The following SYT16 variants were observed in gnomAD, a reference collection of about 807,000 sequenced individuals.
SYT16 encodes synaptotagmin 16.
SYT16 carries 42 observed loss-of-function variants against 61.4 expected under a neutral mutation model. The observed-to-expected ratio is 0.68, with a 90% confidence interval of 0.53 to 0.89. SYT16 has a LOEUF of 0.89. Ranked by LOEUF, SYT16 falls within the 40% of genes least tolerant of loss-of-function variation. The probability of loss-of-function intolerance (pLI) is 0.00; values close to 1 mark genes in which losing one functional copy is unlikely to be tolerated. For synonymous variants in SYT16, 314 were observed against 302.3 expected (o/e 1.04, Z -0.40); for missense variants, 804 against 807.3 (o/e 1.00, Z 0.05).
chr14:61,980,960 T>G (rs79848606), intron 2 of SYT16, among the ~76,000 whole-genome samples: 4 of 149,068 alleles, frequency 2.7e-5, no homozygotes, highest in Admixed American at 6.7e-5. Flanking sequence ...GTGTGTGTGT[T>G]TGTGTGTGTG....
intron 3 of SYT16, among the ~76,000 whole-genome samples, chr14:61,998,572 C>T (rs965294742): frequency 3.9e-5 from 6 of 151,900 alleles, no homozygotes; most frequent in Non-Finnish European, 5.9e-5. Flanking sequence ...AATGAATGCA[C>T]CAGTTTGTTG....
At chr14:61,822,235 T>C (rs1191674073) in intron 1 of SYT16, among the ~76,000 whole-genome samples, 3 of 151,886 alleles carry the variant, frequency 2.0e-5, no homozygotes, top group Non-Finnish European at 4.4e-5. Flanking sequence ...GAACCTGGAG[T>C]CTCACGTCCA....
At chr14:61,939,262 T>G (rs1472634609) in intron 1 of SYT16, among the ~76,000 whole-genome samples, 3 of 152,086 alleles carry the variant, frequency 2.0e-5, no homozygotes, top group Non-Finnish European at 4.4e-5. Flanking sequence ...GGATGCATAA[T>G]CCCCCCAAAG....
chr14:61,827,634 T>C (rs1439942780), intron 1 of SYT16, among the ~76,000 whole-genome samples: 2 of 152,184 alleles, frequency 1.3e-5, no homozygotes, highest in Non-Finnish European at 2.9e-5. Flanking sequence ...CTATTGGTCA[T>C]GATTTTTTTT....
At chr14:61,974,598 C>G (rs1377156179) in intron 2 of SYT16, among the ~76,000 whole-genome samples, 2 of 152,166 alleles carry the variant, frequency 1.3e-5, no homozygotes, top group Non-Finnish European at 2.9e-5. Context: ...GTTAAATAAA[C>G]TCACACCAGT....
At chr14:61,822,878 C>A (rs548017812) in intron 1 of SYT16, among the ~76,000 whole-genome samples, 2 of 152,308 alleles carry the variant, frequency 1.3e-5, no homozygotes, top group South Asian at 2.1e-4. Context: ...TACCAAAGAA[C>A]AACTGTTTTT....
At chr14:61,820,729 G>A (rs753669938) in intron 1 of SYT16, among the ~76,000 whole-genome samples, 8 of 151,948 alleles carry the variant, frequency 5.3e-5, no homozygotes, top group South Asian at 2.1e-4. Flanking sequence ...TGATCAGCCC[G>A]CCTCAGTTTT....
chr14:61,828,385 A>T (rs72716750), intron 1 of SYT16, among the ~76,000 whole-genome samples: 19,329 of 152,170 alleles, frequency 0.13, 1,273 homozygotes, highest in African/African-American at 0.15. Flanking sequence ...ACTCCTGATG[A>T]TCCAGATTTC....
chr14:61,980,942 T>TTG lies in SYT16; in HGVS notation c.-145+10647_-145+10648dup, dbSNP rs776113739. 7.4e-3 allele frequency among the ~76,000 whole-genome samples: 902 copies of TTG among 122,338 alleles called. 3 individuals carry two copies. The highest frequency in any genetic ancestry group is 0.024 in the Middle Eastern group (6 of 246). 80.3% of individuals were successfully genotyped at this position (122,338 alleles called of 152,430 possible). Reference sequence around the variant, plus strand: ...TTTTTCCAGAGAAACAGTACCAACATTGTGTGTGTGTGTGTGTTTGTGTGT... The same window carrying TTG: ...TTTTTCCAGAGAAACAGTACCAACATTGTGTGTGTGTGTGTGTGTTTGTGTGT... On this transcript the variant is annotated intron_variant, in intron 2 of 7. Coordinates refer to ENST00000683842, the MANE Select transcript of SYT16 (RefSeq NM_001367656.1).
intron 2 of SYT16, among the ~76,000 whole-genome samples, chr14:61,981,882 G>A (rs2052094218): frequency 6.6e-6 from 1 of 152,132 alleles, no homozygotes; most frequent in South Asian, 2.1e-4. Flanking sequence ...GGGCATTTGA[G>A]CTTCCTCTGT....
intron 1 of SYT16, among the ~76,000 whole-genome samples, chr14:61,951,593 T>G (rs2050672281): frequency 6.6e-6 from 1 of 152,178 alleles, no homozygotes; most frequent in South Asian, 2.1e-4. Flanking sequence ...CAAGATTTTT[T>G]TTATCTGTCT....
At chr14:62,083,412 A>G (rs1238076513) in intron 6 of SYT16, among the ~76,000 whole-genome samples, 1 of 152,086 alleles carries the variant, frequency 6.6e-6, no homozygotes, top group Non-Finnish European at 1.5e-5. Flanking sequence ...TTGAGGGACA[A>G]TCAGTGTCCT....
intron 1 of SYT16, among the ~76,000 whole-genome samples, chr14:61,890,336 G>C (rs1394621194): frequency 6.6e-6 from 1 of 152,084 alleles, no homozygotes; most frequent in Non-Finnish European, 1.5e-5. Flanking sequence ...AAGGCGCTTT[G>C]GGTTTCCCTT....
At chr14:62,002,578 T>A (rs1334993809) in intron 3 of SYT16, among the ~76,000 whole-genome samples, 4 of 152,118 alleles carry the variant, frequency 2.6e-5, no homozygotes, top group African/African-American at 9.7e-5. Flanking sequence ...TGTTCCTATG[T>A]CTTGAGGTTA....
In SYT16 at chr14:62,109,931, A is replaced by C. The variant is rs2057578512; in HGVS notation, c.*9224A>C. The C allele has an allele frequency of 6.6e-6, 1 of 152,168 alleles. No individual in the cohort carries two copies. The highest frequency in any genetic ancestry group is 2.1e-4 in the South Asian group (1 of 4,832). 9.4% of individuals were successfully genotyped at this position (152,168 alleles called of 1,614,324 possible). On this transcript the variant is annotated 3_prime_UTR_variant, in exon 8 of 8. Transcript: ENST00000683842. The stretch of plus-strand genomic sequence containing the variant: ...GCATCTGGCTCACACAGCAGCTCTG[A>C]ATTCTGAATGAAAAGATAACCCATG...
intron 2 of SYT16, among the ~76,000 whole-genome samples, chr14:61,994,543 AT>A (rs1296947736): frequency 6.6e-6 from 1 of 152,196 alleles, no homozygotes; most frequent in Non-Finnish European, 1.5e-5. Flanking sequence ...AAAGGTGTTA[AT>A]TGAAATGTAG....
chr14:61,870,103 T>A (rs2047283150), intron 1 of SYT16, among the ~76,000 whole-genome samples: 1 of 152,016 alleles, frequency 6.6e-6, no homozygotes, highest in African/African-American at 2.4e-5. Flanking sequence ...AGATACAAAT[T>A]TCCATCTGGT....
intron 3 of SYT16, among the ~76,000 whole-genome samples, chr14:61,999,461 T>C (rs573774971): frequency 6.6e-6 from 1 of 151,846 alleles, no homozygotes; most frequent in Non-Finnish European, 1.5e-5. Context: ...CTCCCTTTAT[T>C]TCCTGATATT....
rs1408263060 is a variant in SYT16 at position 62,111,146 on chromosome 14, T to G, written c.*10439T>G. The G allele has an allele frequency of 6.6e-6, 1 of 152,160 alleles. No individual in the cohort carries two copies. The highest frequency in any genetic ancestry group is 2.4e-5 in the African/African-American group (1 of 41,472). The allele number at this position is 152,160 out of a possible 1,614,324, so 9.4% of individuals were successfully genotyped here. A position where few individuals can be genotyped will look rare whatever the true frequency, so the allele number is the denominator to read the frequency against. On this transcript the variant is annotated 3_prime_UTR_variant, in exon 8 of 8. Transcript: ENST00000683842. ...GAAACAGTTGTTCACATTCACACAT[T>G]TATGTTTCACCATATGCATACTGTG...
Sources: gnomAD v4.1 joint callset for allele counts (sites outside exome capture counted in the v4.1 genomes callset) on GRCh38, gnomAD v4.1.1 for gene constraint, MANE v1.5 for transcripts, NCBI Gene and HGNC (gene_info 2026-07-23, HGNC 2026-07-21) for gene names.